The following CHRDL1 variants were observed in gnomAD, a reference collection of about 807,000 sequenced individuals.
CHRDL1 encodes the protein chordin like 1.
Under a neutral mutation model 40.9 loss-of-function variants are expected in CHRDL1, and 19 were observed. That is an observed-to-expected ratio of 0.46 (90% confidence interval 0.32 to 0.68). The LOEUF (loss-of-function observed/expected upper bound fraction) is 0.68. Among genes scored for constraint, CHRDL1 ranks in the 30% least tolerant of loss-of-function variants. The probability of loss-of-function intolerance (pLI) is 0.03; values close to 1 mark genes in which losing one functional copy is unlikely to be tolerated. For missense variants in CHRDL1, 329 were observed against 352.1 expected (o/e 0.93, Z 0.53); for synonymous variants, 136 against 123.4 (o/e 1.10, Z -0.68).
chrX:110,794,862 C>A (rs750295496), intron 1 of CHRDL1, among the ~76,000 whole-genome samples: 3 of 112,096 alleles, frequency 2.7e-5, no homozygotes, highest in African/African-American at 9.7e-5. Flanking sequence ...CCTAGGGTAG[C>A]AATTTTCTTT....
At chrX:110,697,322 G>A (rs995094764) in intron 7 of CHRDL1, among the ~76,000 whole-genome samples, 5 of 109,557 alleles carry the variant, frequency 4.6e-5, no homozygotes, top group Non-Finnish European at 3.8e-5. Flanking sequence ...AAACATCAGG[G>A]TCCAGAAAGG....
At chrX:110,775,178 G>C (rs905751990) in intron 2 of CHRDL1, among the ~76,000 whole-genome samples, 12 of 111,675 alleles carry the variant, frequency 1.1e-4, no homozygotes, top group Admixed American at 3.8e-4. Context: ...GGTGACATGA[G>C]GAACTTTCAG....
chrX:110,767,795 C>T (rs2089685916), intron 2 of CHRDL1, among the ~76,000 whole-genome samples: 1 of 110,694 alleles, frequency 9.0e-6, no homozygotes, highest in South Asian at 3.8e-4. Flanking sequence ...GTGAAAATGA[C>T]CATACTGACA....
At position 110,676,280 on chromosome X, in the gene CHRDL1, T is replaced by G; in HGVS notation, c.1328A>C (p.Asp443Ala). ...SSRVCRTELE[D>A]LVKVLYLERS... ...CTCCAGGTACAAAACCTTGACTAAA[T>G]CTTCAAGCTCTGTTCTGCATACACG... The change falls in exon 12 of 12, where the codon GAT becomes GCT. Residue 443 changes from aspartate (D) to alanine (A), a missense_variant. Physicochemically the swap from Asp to Ala is moderately radical, Grantham distance 126. Coordinates refer to ENST00000372042, the MANE Select transcript of CHRDL1 (RefSeq NM_001143981.2). 8.3e-7 allele frequency: 1 copy of G among 1,208,965 alleles called. No homozygotes were observed. The highest frequency in any genetic ancestry group is 1.1e-6 in the Non-Finnish European group (1 of 893,155).
rs138202277 is a variant in CHRDL1, at chrX:110,778,706, C to A, written c.94+13382G>T. On this transcript the variant is annotated intron_variant, in intron 2 of 11. Transcript: ENST00000372042. ...AAGCAGTGTGGTGATTCCTCAAAGA[C>A]CTAAAAACAGAACTTCCATTTGACC... is the stretch of plus-strand genomic sequence containing the variant. Among the ~76,000 whole-genome samples, 7 of 111,702 alleles carry A rather than the reference C, an allele frequency of 6.3e-5. No homozygotes were observed. The East Asian group carries it at 2.0e-3, about 31-fold the overall frequency.
chrX:110,762,849 C>A (rs2089590309), intron 2 of CHRDL1, 42 bp from the exon 3 acceptor site: 1 of 732,093 alleles, frequency 1.4e-6, no homozygotes, highest in Non-Finnish European at 2.1e-6. Context: ...TAGGAAACAT[C>A]AACCAAGTCA....
Position 110,688,590 on chromosome X carries a change from G to A in CHRDL1, c.988+4C>T, listed in dbSNP as rs759294473. ...ACCAAAAGCAGGGCCTCCAACCAACGCACCTTTTGCTTTTTTACCTGGACA... is the reference window on the plus strand; with the variant it reads ...ACCAAAAGCAGGGCCTCCAACCAACACACCTTTTGCTTTTTTACCTGGACA... On this transcript the variant is annotated splice_donor_region_variant and intron_variant, in intron 9 of 11. Transcript: ENST00000372042. 5.8e-6 allele frequency: 7 copies of A among 1,197,977 alleles called. No homozygotes were observed. Among genetic ancestry groups the A allele is most frequent in the East Asian group, 3.0e-5 (1 of 33,772 alleles).
chrX:110,761,612 G>A (rs780349732), intron 3 of CHRDL1, among the ~76,000 whole-genome samples: 3 of 111,990 alleles, frequency 2.7e-5, no homozygotes, highest in Non-Finnish European at 3.8e-5. Context: ...TGGTTATTAG[G>A]ATTGGGGTTG....
chrX:110,694,312 G>C lies in CHRDL1; in HGVS notation c.629C>G (p.Ser210Cys), dbSNP rs201430666. The C allele has an allele frequency of 4.8e-4, 574 of 1,205,265 alleles. 2 individuals are homozygous for C. The highest frequency in any genetic ancestry group is 2.0e-3 in the Admixed American group (91 of 45,190). Residue 210 changes from serine to cysteine, a missense_variant, in exon 8 of 12, where the codon TCT (serine) becomes TGT (cysteine). By Grantham distance (112) the Ser-to-Cys change is moderately radical (BLOSUM62 -1). Coordinates refer to ENST00000372042, the MANE Select transcript of CHRDL1 (RefSeq NM_001143981.2). ...TCGGCTTGGTGGAGGATCATAGTGAGAGCGGTGGTAAGAATGTCTCTGTAA... is the reference window on the plus strand; with the variant it reads ...TCGGCTTGGTGGAGGATCATAGTGACAGCGGTGGTAAGAATGTCTCTGTAA... ...NREARHSYHR[S>C]HYDPPPSRQA... is the part of the protein sequence containing the mutation.
intron 4 of CHRDL1, among the ~76,000 whole-genome samples, chrX:110,756,752 A>G (rs1053365028): frequency 3.6e-5 from 4 of 112,125 alleles, no homozygotes; most frequent in African/African-American, 1.3e-4. Flanking sequence ...GCTTTGAAAG[A>G]AAAAGTAGAA....
At chrX:110,737,144 A>C (rs969813603) in intron 4 of CHRDL1, among the ~76,000 whole-genome samples, 1 of 112,065 alleles carries the variant, frequency 8.9e-6, no homozygotes, top group African/African-American at 3.3e-5. Flanking sequence ...GACACACAGA[A>C]GGTCCAAAAA....
At chrX:110,688,197 T>C (rs2070066023) in intron 9 of CHRDL1, among the ~76,000 whole-genome samples, 2 of 111,462 alleles carry the variant, frequency 1.8e-5, no homozygotes, top group African/African-American at 6.5e-5. Context: ...CCTGGTCTCC[T>C]TCCACTATAA....
At chrX:110,731,487 C>A (rs2071159838) in intron 4 of CHRDL1, among the ~76,000 whole-genome samples, 2 of 111,136 alleles carry the variant, frequency 1.8e-5, no homozygotes, top group African/African-American at 6.6e-5. Flanking sequence ...ATTCCACTCC[C>A]AGGTATATAC....
In CHRDL1 at chrX:110,694,154, G is replaced by A. The variant is rs1156874566; in HGVS notation, c.778+9C>T. The A allele has an allele frequency of 8.4e-7, 1 of 1,189,247 alleles. No homozygotes were observed. The highest frequency in any genetic ancestry group is 1.1e-6 in the Non-Finnish European group (1 of 876,673). ...TTGTGGAAGTATACAAAAGAAGGAT[G>A]CCCCTTACCTTGTCCATGCTTGTGT... On this transcript the variant is annotated intron_variant, in intron 8 of 11. Coordinates refer to ENST00000372042, the MANE Select transcript of CHRDL1 (RefSeq NM_001143981.2).
At chrX:110,694,364 A>G (rs1198433622) in intron 7 of CHRDL1, 33 bp from the exon 8 acceptor site, 1 of 1,100,108 alleles carries the variant, frequency 9.1e-7, no homozygotes, top group South Asian at 1.9e-5. Flanking sequence ...TTAGTCCAAA[A>G]GCCACCAATG....
chrX:110,768,083 C>T (rs193195645), intron 2 of CHRDL1, among the ~76,000 whole-genome samples: 238 of 111,956 alleles, frequency 2.1e-3, no homozygotes, highest in African/African-American at 7.4e-3. Context: ...GTTGTGTTCC[C>T]TTTCTTTGGA....
At chrX:110,737,115 A>ACT (rs1437377098) in intron 4 of CHRDL1, among the ~76,000 whole-genome samples, 1 of 111,673 alleles carries the variant, frequency 9.0e-6, no homozygotes, top group Non-Finnish European at 1.9e-5. Context: ...AAAGGAAACT[A>ACT]CTCTCTCTCT....
At chrX:110,689,562 CTA>C (rs1200963964) in intron 8 of CHRDL1, among the ~76,000 whole-genome samples, 2 of 25,565 alleles carry the variant, frequency 7.8e-5, no homozygotes, top group Admixed American at 6.1e-4. Flanking sequence ...ATCTATATAT[CTA>C]TATATATCTA....
Position 110,688,641 on chromosome X carries a change from T to G in CHRDL1, c.941A>C (p.Lys314Thr). 1 of 1,210,745 alleles carries G rather than the reference T, an allele frequency of 8.3e-7. No individual in the cohort carries two copies. The highest frequency in any genetic ancestry group is 1.1e-6 in the Non-Finnish European group (1 of 895,138). Residue 314 changes from lysine (K) to threonine (T), a missense_variant, in exon 9 of 12, where the codon AAA becomes ACA. Coordinates refer to ENST00000372042, the MANE Select transcript of CHRDL1 (RefSeq NM_001143981.2). ...PNRYPCKYPQKIDGKCCKVCP... is the reference protein window; with the variant it reads ...PNRYPCKYPQTIDGKCCKVCP... ...CACCTTGCAGCATTTTCCGTCTATT[T>G]TTTGAGGATACTTGCAGGGGTATCG...
Sources: allele counts gnomAD v4.1 joint callset (sites outside exome capture counted in the v4.1 genomes callset), GRCh38; gene constraint gnomAD v4.1.1; transcripts MANE v1.5; gene names NCBI Gene and HGNC (gene_info 2026-07-23, HGNC 2026-07-21).